Variants in PBX3 observed in about 807,000 individuals in gnomAD.
PBX3 encodes the protein PBX homeobox 3.
PBX3 carries 14 observed loss-of-function variants against 48.5 expected under a neutral mutation model. The ratio of observed to expected loss-of-function variants is 0.29; its 90% CI spans 0.19 to 0.45. The LOEUF is 0.45. Ranked by LOEUF, PBX3 falls within the 20% of genes least tolerant of loss-of-function variation. The probability of loss-of-function intolerance (pLI) is 1.00; values close to 1 mark genes in which losing one functional copy is unlikely to be tolerated. For missense variants in PBX3, 386 were observed against 546.7 expected (o/e 0.71, Z 2.93); for synonymous variants, 210 against 200.3 (o/e 1.05, Z -0.41).
rs1179896723 is a variant in PBX3, at chr9:125,791,301, G to GTCTGTCTATCTA, written c.274+42681_274+42682insGTCTATCTATCT. Among the ~76,000 whole-genome samples the GTCTGTCTATCTA allele has an allele frequency of 9.1e-3, 993 of 108,990 alleles. 12 individuals are homozygous for GTCTGTCTATCTA. The highest frequency in any genetic ancestry group is 0.033 in the Admixed American group (338 of 10,338). 71.5% of individuals were successfully genotyped at this position (108,990 alleles called of 152,430 possible). A position where few individuals can be genotyped will look rare whatever the true frequency, so the allele number is the denominator to read the frequency against. On this transcript the variant is annotated intron_variant, in intron 2 of 8. Coordinates refer to ENST00000373489, the MANE Select transcript of PBX3 (RefSeq NM_006195.6). ...TTTTTATCTGTCTGTCTGTCTGTCT[G>GTCTGTCTATCTA]TCTATCTATCTATCTATCTATCTAT...
intron 2 of PBX3, chr9:125,843,601 T>C (rs535203827): frequency 4.3e-6 from 1 of 232,830 alleles, no homozygotes; most frequent in Non-Finnish European, 9.0e-6. Context: ...AAACAAAAGG[T>C]TTTAATGGCC....
chr9:125,888,819 A>T (rs1840565351), intron 2 of PBX3, among the ~76,000 whole-genome samples: 1 of 152,148 alleles, frequency 6.6e-6, no homozygotes, highest in African/African-American at 2.4e-5. Context: ...TGGAAAGTGT[A>T]AGCAGGATTG....
rs565716504 is a variant in PBX3, at chr9:125,927,425, C to G, written c.517-2230C>G. Reference sequence around the variant, plus strand: ...AAAATTTTAGAGTAAGTGAAATACACAGGGTTCAGGAAAGGTTAGTCCTCT... The same window carrying G: ...AAAATTTTAGAGTAAGTGAAATACAGAGGGTTCAGGAAAGGTTAGTCCTCT... On this transcript the variant is annotated intron_variant, in intron 3 of 8. Transcript: ENST00000373489. 8.5e-5 allele frequency among the ~76,000 whole-genome samples: 13 copies of G among 152,268 alleles called. No homozygotes were observed. In the East Asian group the frequency reaches 2.1e-3, roughly 25 times the overall value.
chr9:125,787,997 A>T (rs746342451), intron 2 of PBX3, among the ~76,000 whole-genome samples: 6 of 152,198 alleles, frequency 3.9e-5, no homozygotes, highest in Non-Finnish European at 7.3e-5. Flanking sequence ...AATATCTTAT[A>T]TGCTCCCTGA....
intron 2 of PBX3, among the ~76,000 whole-genome samples, chr9:125,840,884 T>C (rs1839270834): frequency 6.6e-6 from 1 of 152,116 alleles, no homozygotes; most frequent in Non-Finnish European, 1.5e-5. Context: ...ATTCCTCCTT[T>C]GTGAAATTAT....
intron 2 of PBX3, among the ~76,000 whole-genome samples, chr9:125,791,329 A>ATCTG (rs1163930782): frequency 6.6e-6 from 1 of 151,312 alleles, no homozygotes; most frequent in Non-Finnish European, 1.5e-5. Flanking sequence ...CTATCTATCT[A>ATCTG]TCTATCTATC....
intron 2 of PBX3, among the ~76,000 whole-genome samples, chr9:125,807,674 T>C (rs1435425454): frequency 6.6e-6 from 1 of 152,120 alleles, no homozygotes. Flanking sequence ...ATAGATACTC[T>C]AGATTATTAT....
intron 2 of PBX3, among the ~76,000 whole-genome samples, chr9:125,847,223 G>A (rs1299803020): frequency 1.6e-4 from 24 of 151,838 alleles, no homozygotes; most frequent in Admixed American, 1.6e-3. Flanking sequence ...ATTTGGGGTA[G>A]CAAAATAGAA....
chr9:125,964,168 A>G (rs951229577), intron 8 of PBX3, among the ~76,000 whole-genome samples: 1 of 152,236 alleles, frequency 6.6e-6, no homozygotes, highest in Non-Finnish European at 1.5e-5. Flanking sequence ...GCGCTGTTGT[A>G]TAATACAGTG....
chr9:125,801,551 C>G (rs912160658), intron 2 of PBX3, among the ~76,000 whole-genome samples: 5 of 152,142 alleles, frequency 3.3e-5, no homozygotes, highest in South Asian at 2.1e-4. Context: ...TTACAAACAC[C>G]TTTTCACATA....
chr9:125,926,162 GATATATACGT>G (rs1248836586), intron 3 of PBX3, among the ~76,000 whole-genome samples: 1 of 152,194 alleles, frequency 6.6e-6, no homozygotes, highest in African/African-American at 2.4e-5. Context: ...TCAAGAAAAA[GATATATACGT>G]ATATTTATTG....
intron 8 of PBX3, 32 bp from the exon 9 acceptor site, chr9:125,965,799 G>A (rs1416347221): frequency 7.3e-6 from 11 of 1,514,382 alleles, no homozygotes; most frequent in South Asian, 2.2e-5. Context: ...ATATGTAGAC[G>A]TGCACCCGTT....
chr9:125,858,317 A>T (rs1229682751), intron 2 of PBX3, among the ~76,000 whole-genome samples: 1 of 152,236 alleles, frequency 6.6e-6, no homozygotes, highest in East Asian at 1.9e-4. Context: ...TCTGCTCATT[A>T]TACCTCTCGT....
intron 7 of PBX3, 92 bp downstream of exon 7, chr9:125,962,306 C>A: frequency 1.5e-6 from 1 of 659,280 alleles, no homozygotes; most frequent in Non-Finnish European, 2.7e-6. Context: ...GTCTACACAT[C>A]CATGCAGAAC....
intron 2 of PBX3, among the ~76,000 whole-genome samples, chr9:125,851,763 A>G (rs750449410): frequency 1.3e-5 from 2 of 151,884 alleles, no homozygotes; most frequent in Non-Finnish European, 2.9e-5. Flanking sequence ...TATGAAATCA[A>G]TTATTTCTTG....
At chr9:125,801,669 CT>C (rs57799730) in intron 2 of PBX3, among the ~76,000 whole-genome samples, 77,461 of 151,790 alleles carry the variant, frequency 0.51, 21,557 homozygotes, top group South Asian at 0.63. Flanking sequence ...CACATTCCAT[CT>C]TTTTGTATTT....
rs1360951900 is a variant in PBX3 at position 125,800,032 on chromosome 9, GTAA to G, written c.274+51417_274+51419del. On this transcript the variant is annotated intron_variant, in intron 2 of 8. Coordinates refer to ENST00000373489, the MANE Select transcript of PBX3 (RefSeq NM_006195.6). The stretch of plus-strand genomic sequence containing the variant: ...TATTAATTCAATTATTTTTATGACA[GTAA>G]TAATAATTGTAGTAATAAATGCTAC... Among the ~76,000 whole-genome samples, 7 of 152,126 alleles carry G rather than the reference GTAA, an allele frequency of 4.6e-5. No individual in the cohort carries two copies. In the South Asian group the frequency reaches 6.2e-4, roughly 14 times the overall value.
At chr9:125,899,225 A>G (rs917184853) in intron 2 of PBX3, among the ~76,000 whole-genome samples, 36 of 119,906 alleles carry the variant, frequency 3.0e-4, no homozygotes, top group African/African-American at 1.0e-3. Context: ...ATATGTATAT[A>G]TATTTATATA....
intron 2 of PBX3, among the ~76,000 whole-genome samples, chr9:125,835,282 G>A (rs909955069): frequency 1.3e-5 from 2 of 152,078 alleles, no homozygotes; most frequent in African/African-American, 2.4e-5. Flanking sequence ...TTTGATGTAG[G>A]AGGAAGAGGA....
Sources: allele counts gnomAD v4.1 joint callset (sites outside exome capture counted in the v4.1 genomes callset), GRCh38; gene constraint gnomAD v4.1.1; transcripts MANE v1.5; gene names NCBI Gene and HGNC (gene_info 2026-07-23, HGNC 2026-07-21).